SLIT3: variants seen among roughly 807,000 people sequenced by gnomAD.
SLIT3 encodes the protein slit guidance ligand 3, also known as slit homolog 3 protein.
SLIT3 carries 68 observed loss-of-function variants against 184.0 expected under a neutral mutation model. That is an observed-to-expected ratio of 0.37 (90% CI 0.30 to 0.45). The LOEUF (loss-of-function observed/expected upper bound fraction) is 0.45. SLIT3 is among the 20% of genes least tolerant of loss of function. The pLI is 1.00. For synonymous variants in SLIT3, 831 were observed against 828.6 expected (o/e 1.00, Z -0.05); for missense variants, 1,707 against 2,026.0 (o/e 0.84, Z 3.02).
chr5:169,242,763 C>T (rs1021646007), intron 3 of SLIT3, among the ~76,000 whole-genome samples: 21 of 152,192 alleles, frequency 1.4e-4, no homozygotes, highest in African/African-American at 4.8e-4. Context: ...AATACACCAA[C>T]ACGGAGAAAT....
rs1474714430 is a variant in SLIT3, at chr5:168,665,229, T to G, written c.*1225A>C. On this transcript the variant is annotated 3_prime_UTR_variant, in exon 36 of 36. Coordinates refer to ENST00000519560, the MANE Select transcript of SLIT3 (RefSeq NM_003062.4). The stretch of plus-strand genomic sequence containing the variant: ...TTATCCTTCCCAGGGAGGCAGGGGT[T>G]GCATAGATAAAATAAGGTAAAGTTT... 1 of 152,192 alleles carries G rather than the reference T, an allele frequency of 6.6e-6. No individual in the cohort carries two copies. The highest frequency in any genetic ancestry group is 1.5e-5 in the Non-Finnish European group (1 of 68,050). 9.4% of individuals were successfully genotyped at this position (152,192 alleles called of 1,614,324 possible).
chr5:168,855,083 T>G (rs1362652146), intron 5 of SLIT3, among the ~76,000 whole-genome samples: 1 of 152,190 alleles, frequency 6.6e-6, no homozygotes, highest in East Asian at 1.9e-4. Flanking sequence ...GCGGGTACAG[T>G]CTCTGTTTTA....
chr5:169,053,103 A>G (rs1261440141), intron 4 of SLIT3, among the ~76,000 whole-genome samples: 1 of 152,222 alleles, frequency 6.6e-6, no homozygotes, highest in East Asian at 1.9e-4. Flanking sequence ...CTTCCTGCGC[A>G]TGCTAATGCT....
chr5:168,833,613 C>T (rs1757949785), intron 6 of SLIT3, among the ~76,000 whole-genome samples: 1 of 152,206 alleles, frequency 6.6e-6, no homozygotes, highest in South Asian at 2.1e-4. Context: ...AACGTTCCCT[C>T]TAGCAAAATG....
chr5:169,224,954 G>C (rs972452062), intron 3 of SLIT3, among the ~76,000 whole-genome samples: 6 of 152,180 alleles, frequency 3.9e-5, no homozygotes, highest in South Asian at 2.1e-4. Context: ...GAAGTGCTGG[G>C]ATTGCAGGAA....
intron 3 of SLIT3, among the ~76,000 whole-genome samples, chr5:169,213,164 A>G (rs77282953): frequency 6.6e-6 from 1 of 152,132 alleles, no homozygotes; most frequent in Non-Finnish European, 1.5e-5. Flanking sequence ...CCTATACACC[A>G]ATAACAGACA....
intron 5 of SLIT3, among the ~76,000 whole-genome samples, chr5:168,851,664 C>A (rs1758684752): frequency 6.6e-6 from 1 of 152,116 alleles, no homozygotes; most frequent in South Asian, 2.1e-4. Context: ...CCCAACTCCC[C>A]AAGGTTTACA....
intron 4 of SLIT3, among the ~76,000 whole-genome samples, chr5:169,139,647 C>G (rs900665893): frequency 6.6e-6 from 1 of 152,108 alleles, no homozygotes; most frequent in Admixed American, 6.5e-5. Flanking sequence ...GAACAGAATT[C>G]CAGAAAAACT....
chr5:168,883,380 T>A (rs376299051), intron 4 of SLIT3, 44 bp from the exon 5 acceptor site: 31 of 1,402,844 alleles, frequency 2.2e-5, no homozygotes, highest in Non-Finnish European at 3.1e-5. Context: ...AGACCCAGGC[T>A]GTCTTGATCT....
chr5:168,803,164 T>A (rs903445805), intron 9 of SLIT3, among the ~76,000 whole-genome samples: 2 of 152,224 alleles, frequency 1.3e-5, no homozygotes, highest in African/African-American at 4.8e-5. Context: ...ACATAAAGTA[T>A]AATTATACAA....
intron 4 of SLIT3, among the ~76,000 whole-genome samples, chr5:168,984,063 ATT>A (rs111453452): frequency 3.4e-5 from 5 of 147,094 alleles, no homozygotes; most frequent in African/African-American, 1.2e-4. Context: ...ATATATATAT[ATT>A]TTTTTTAATG....
intron 1 of SLIT3, among the ~76,000 whole-genome samples, chr5:169,299,283 G>C (rs1259151284): frequency 6.6e-6 from 1 of 152,208 alleles, no homozygotes. Context: ...CAGTTCTGCT[G>C]AGTCTCCACC....
chr5:168,775,977 A>T (rs568716910), intron 12 of SLIT3, among the ~76,000 whole-genome samples: 1 of 152,364 alleles, frequency 6.6e-6, no homozygotes, highest in African/African-American at 2.4e-5. Flanking sequence ...GTCAATGTAA[A>T]ATCATTTCTT....
At chr5:168,697,334 C>G (rs1480125492) in intron 27 of SLIT3, among the ~76,000 whole-genome samples, 2 of 152,196 alleles carry the variant, frequency 1.3e-5, no homozygotes, top group African/African-American at 4.8e-5. Flanking sequence ...ATAAAAACCT[C>G]AACTGCCTGC....
At chr5:169,022,746 G>A (rs1756649973) in intron 4 of SLIT3, 1 of 152,114 alleles carries the variant, frequency 6.6e-6, no homozygotes, top group Non-Finnish European at 1.5e-5. Flanking sequence ...GGTTTTAGAT[G>A]AAACTCTGCG....
rs1755110483 is a variant in SLIT3, at chr5:168,985,849, G to C, written c.414-102513C>G. On this transcript the variant is annotated intron_variant, in intron 4 of 35. Transcript: ENST00000519560. ...AAAGGAGGGATGATGGCGGGGGGTA[G>C]GAAGAGAGATACAGAGACAGAGTAT... Among the ~76,000 whole-genome samples, 3 of 152,152 alleles carry C rather than the reference G, an allele frequency of 2.0e-5. No homozygotes were observed. In the South Asian group the frequency reaches 6.2e-4, roughly 32 times the overall value.
chr5:168,887,952 G>A (rs150889571), intron 4 of SLIT3, among the ~76,000 whole-genome samples: 80 of 152,178 alleles, frequency 5.3e-4, no homozygotes, highest in African/African-American at 1.9e-3. Context: ...TCTGAGGGAG[G>A]GATTAAAAAG....
At chr5:169,192,929 T>A (rs1258139686) in intron 4 of SLIT3, among the ~76,000 whole-genome samples, 3 of 152,202 alleles carry the variant, frequency 2.0e-5, no homozygotes, top group Non-Finnish European at 4.4e-5. Flanking sequence ...TCTCCTCATT[T>A]TACCCTGGAT....
intron 5 of SLIT3, among the ~76,000 whole-genome samples, chr5:168,851,952 A>G (rs1758695926): frequency 6.6e-6 from 1 of 152,188 alleles, no homozygotes; most frequent in South Asian, 2.1e-4. Flanking sequence ...AGCCCATGAC[A>G]AGGCCAGGGG....
Sources: allele counts gnomAD v4.1 joint callset (sites outside exome capture counted in the v4.1 genomes callset), GRCh38; gene constraint gnomAD v4.1.1; transcripts MANE v1.5; gene names NCBI Gene and HGNC (gene_info 2026-07-23, HGNC 2026-07-21).